The following PTPRO variants were observed in gnomAD, a reference collection of about 807,000 sequenced individuals.
PTPRO encodes protein tyrosine phosphatase receptor type O.
A neutral mutation model predicts 145.2 loss-of-function variants in PTPRO; 62 were observed. The observed-to-expected ratio is 0.43, with a 90% CI of 0.35 to 0.53. PTPRO has a LOEUF of 0.53. Among genes scored for constraint, PTPRO ranks in the 20% least tolerant of loss-of-function variants. PTPRO has a pLI of 0.01. For missense variants in PTPRO, 1,345 were observed against 1,482.7 expected, an observed-to-expected ratio of 0.91 and a Z score of 1.53; for synonymous variants, 565 against 514.7, an observed-to-expected ratio of 1.10 and a Z score of -1.32.
At chr12:15,591,336 A>T in intron 25 of PTPRO, among the ~76,000 whole-genome samples, 1 of 151,994 alleles carries the variant, frequency 6.6e-6, no homozygotes, top group East Asian at 1.9e-4. Flanking sequence ...GTGCCACTGC[A>T]CTCCAGCCTG....
intron 6 of PTPRO, among the ~76,000 whole-genome samples, chr12:15,508,068 C>A (rs1483310851): frequency 1.3e-5 from 2 of 152,142 alleles, no homozygotes; most frequent in Non-Finnish European, 2.9e-5. Context: ...TTAATTGAGC[C>A]AGCCTGTTGT....
At chr12:15,547,810 A>G (rs1943334130) in intron 13 of PTPRO, among the ~76,000 whole-genome samples, 1 of 152,178 alleles carries the variant, frequency 6.6e-6, no homozygotes, top group Non-Finnish European at 1.5e-5. Context: ...CTTTTATAGA[A>G]TAGTGAAAGA....
intron 1 of PTPRO, among the ~76,000 whole-genome samples, chr12:15,393,303 A>G (rs1470284962): frequency 6.6e-6 from 1 of 152,190 alleles, no homozygotes; most frequent in Non-Finnish European, 1.5e-5. Context: ...AAATGATGCC[A>G]TAGCTATGAG....
At chr12:15,595,189 C>T (rs1591783350) in intron 26 of PTPRO, 132 bp downstream of exon 26, 3 of 700,846 alleles carry the variant, frequency 4.3e-6, no homozygotes, top group Non-Finnish European at 7.7e-6. Flanking sequence ...TTCCCAGCTC[C>T]TGGCCTCACA....
intron 1 of PTPRO, among the ~76,000 whole-genome samples, chr12:15,433,686 T>C (rs1940515240): frequency 6.6e-6 from 1 of 152,236 alleles, no homozygotes; most frequent in Non-Finnish European, 1.5e-5. Context: ...ATGTTATTTC[T>C]GGGCTCTCTA....
chr12:15,411,889 C>A (rs1939810871), intron 1 of PTPRO, among the ~76,000 whole-genome samples: 1 of 152,160 alleles, frequency 6.6e-6, no homozygotes, highest in African/African-American at 2.4e-5. Context: ...GTTATATTAG[C>A]CCAGCAGCAT....
chr12:15,545,052 G>A (rs909541319), intron 12 of PTPRO, among the ~76,000 whole-genome samples: 2 of 152,158 alleles, frequency 1.3e-5, no homozygotes, highest in East Asian at 3.9e-4. Flanking sequence ...TGGCAAGAAT[G>A]ATTTTGACAT....
Position 15,484,141 on chromosome 12 carries a change from T to G in PTPRO, c.243T>G (p.Pro81=). 6.2e-7 allele frequency: 1 copy of G among 1,613,844 alleles called. No individual in the cohort carries two copies. Among genetic ancestry groups the G allele is most frequent in the South Asian group, 1.1e-5 (1 of 91,076 alleles). Residue 81 remains proline, a synonymous_variant, in exon 2 of 27, where the codon CCT becomes CCG. Transcript: ENST00000281171. ...FEEFNSTLPP[P]VIFKASYHGL... Reference sequence around the variant, plus strand: ...AATTCAACAGCACTTTGCCTCCTCCTGTTATTTTCAAGGCCAGTTATCATG... The same window carrying G: ...AATTCAACAGCACTTTGCCTCCTCCGGTTATTTTCAAGGCCAGTTATCATG...
intron 1 of PTPRO, among the ~76,000 whole-genome samples, chr12:15,381,756 T>C (rs983774819): frequency 5.9e-5 from 9 of 152,200 alleles, no homozygotes; most frequent in Non-Finnish European, 1.0e-4. Flanking sequence ...TTAATGTGTT[T>C]AATTCCCTGC....
At chr12:15,586,422 G>A (rs1015342098) in intron 23 of PTPRO, among the ~76,000 whole-genome samples, 1 of 152,216 alleles carries the variant, frequency 6.6e-6, no homozygotes, top group Non-Finnish European at 1.5e-5. Context: ...CCCTCAGCAG[G>A]AGAACGCAAC....
intron 12 of PTPRO, among the ~76,000 whole-genome samples, chr12:15,542,080 G>A (rs1943192323): frequency 6.6e-6 from 1 of 152,182 alleles, no homozygotes; most frequent in Middle Eastern, 3.4e-3. Context: ...AGGCGGAGGG[G>A]ATATAATTCA....
intron 2 of PTPRO, among the ~76,000 whole-genome samples, chr12:15,495,508 A>G (rs1942081576): frequency 6.6e-6 from 1 of 151,884 alleles, no homozygotes; most frequent in Non-Finnish European, 1.5e-5. Context: ...AGGTCAGCCT[A>G]TAGATGATGT....
Position 15,409,323 on chromosome 12 carries a change from G to A in PTPRO, c.76-74651G>A, listed in dbSNP as rs562955629. On this transcript the variant is annotated intron_variant, in intron 1 of 26. Transcript: ENST00000281171. Reference sequence around the variant, plus strand: ...ACATAGACCATCATATGTTGGTCCCGTCTGCTGAGAAACGTGGGTTTATGT... The same window carrying A: ...ACATAGACCATCATATGTTGGTCCCATCTGCTGAGAAACGTGGGTTTATGT... Among the ~76,000 whole-genome samples the A allele has an allele frequency of 1.5e-3, 229 of 152,176 alleles. 1 individual carries two copies. The highest frequency in any genetic ancestry group is 1.7e-3 in the Non-Finnish European group (117 of 67,998).
intron 1 of PTPRO, among the ~76,000 whole-genome samples, chr12:15,386,134 T>A (rs1035530342): frequency 8.6e-5 from 13 of 151,990 alleles, no homozygotes; most frequent in African/African-American, 3.1e-4. Context: ...AAATATGAAC[T>A]CAAGCTCAAA....
intron 24 of PTPRO, 60 bp from the exon 25 acceptor site, chr12:15,589,395 G>A (rs747119943): frequency 8.1e-6 from 13 of 1,608,734 alleles, no homozygotes; most frequent in Non-Finnish European, 1.1e-5. Flanking sequence ...AAAAAAAAGA[G>A]GGGGGAGAAA....
chr12:15,567,927 A>G (rs184257469), intron 18 of PTPRO, among the ~76,000 whole-genome samples: 2 of 152,308 alleles, frequency 1.3e-5, no homozygotes, highest in East Asian at 3.9e-4. Flanking sequence ...TAAGCAAGAT[A>G]ATGCATGTGA....
intron 17 of PTPRO, among the ~76,000 whole-genome samples, chr12:15,561,546 C>T (rs1462437759): frequency 6.6e-6 from 1 of 152,060 alleles, no homozygotes; most frequent in Admixed American, 6.6e-5. Context: ...ATGCTGAGGA[C>T]CCATTCACTG....
chr12:15,451,505 A>G (rs1331122053), intron 1 of PTPRO, among the ~76,000 whole-genome samples: 3 of 152,166 alleles, frequency 2.0e-5, no homozygotes, highest in Non-Finnish European at 2.9e-5. Flanking sequence ...CTTAACAAAT[A>G]TTTACAGAAC....
At chr12:15,501,220 T>A (rs1373304870) in intron 4 of PTPRO, among the ~76,000 whole-genome samples, 1 of 152,232 alleles carries the variant, frequency 6.6e-6, no homozygotes, top group Non-Finnish European at 1.5e-5. Context: ...TTCATAGCTA[T>A]AAGTACACTA....
Sources: allele counts gnomAD v4.1 joint callset (sites outside exome capture counted in the v4.1 genomes callset), GRCh38; gene constraint gnomAD v4.1.1; transcripts MANE v1.5; gene names NCBI Gene and HGNC (gene_info 2026-07-23, HGNC 2026-07-21).